KRT24: variants seen among roughly 807,000 people sequenced by gnomAD.
KRT24 encodes the protein keratin, type I cytoskeletal 24.
KRT24 carries 44 observed loss-of-function variants against 51.7 expected under a neutral mutation model. That is an observed-to-expected ratio of 0.85 (90% CI 0.67 to 1.09). KRT24 has a LOEUF of 1.09. Among genes scored for constraint, KRT24 ranks in the 50% least tolerant of loss-of-function variants. The probability of loss-of-function intolerance (pLI) is 0.00; values close to 1 mark genes in which losing one functional copy is unlikely to be tolerated. For synonymous variants in KRT24, 241 were observed against 249.5 expected (o/e 0.97, Z 0.32); for missense variants, 633 against 647.0 (o/e 0.98, Z 0.24).
Position 40,701,165 on chromosome 17 carries a change from G to T in KRT24, c.830C>A (p.Ala277Asp). The change falls in exon 3 of 8, where the codon GCC (alanine) becomes GAC (aspartate). Residue 277 changes from alanine to aspartate, a missense_variant. By Grantham distance (126) the Ala-to-Asp change is moderately radical (BLOSUM62 -2). Coordinates refer to ENST00000264651, the MANE Select transcript of KRT24 (RefSeq NM_019016.3). ...MQIESFTEEL[A>D]YLRKNHEEEM... ...CTCCTCGTGGTTCTTCCTCAGGTAGGCTAGCTCCTCGGTGAAACTCTCAAT... is the reference window on the plus strand; with the variant it reads ...CTCCTCGTGGTTCTTCCTCAGGTAGTCTAGCTCCTCGGTGAAACTCTCAAT... The T allele has an allele frequency of 6.2e-7, 1 of 1,614,008 alleles. No homozygotes were observed. Among genetic ancestry groups the T allele is most frequent in the Non-Finnish European group, 8.5e-7 (1 of 1,179,960 alleles).
Position 40,698,167 on chromosome 17 carries a change from C to G in KRT24, c.*70G>C, listed in dbSNP as rs1218118509. The G allele has an allele frequency of 2.1e-6, 2 of 969,796 alleles. No individual in the cohort carries two copies. Among genetic ancestry groups the G allele is most frequent in the Admixed American group, 3.5e-5 (2 of 56,682 alleles). 60.1% of individuals were successfully genotyped at this position (969,796 alleles called of 1,614,324 possible). ...ATCCAGAAAGATGCCTAGATTGATG[C>G]CATTTCTTCGCTTGTGTCCTTCTTG... On this transcript the variant is annotated 3_prime_UTR_variant, in exon 8 of 8. Coordinates refer to ENST00000264651, the MANE Select transcript of KRT24 (RefSeq NM_019016.3).
rs921419799 is a variant in KRT24, at chr17:40,703,385, A to G, written c.309T>C (p.Ser103=). ...TGAATCTAGAACTCCCACAGAATCC[A>G]GAACCCCTGCCAAATCCAGAGACCC... The part of the protein sequence containing the change: ...FGGVSGFGRG[S]GFCGSSRFSS... The change falls in exon 1 of 8, where the codon TCT becomes TCC. Residue 103 remains serine, a synonymous_variant. Coordinates refer to ENST00000264651, the MANE Select transcript of KRT24 (RefSeq NM_019016.3). 3 of 1,613,080 alleles carry G rather than the reference A, an allele frequency of 1.9e-6. No individual in the cohort carries two copies. In the African/African-American group the frequency reaches 4.0e-5, roughly 22 times the overall value.
chr17:40,699,786 G>A, intron 5 of KRT24, 125 bp from the exon 6 acceptor site: 1 of 1,001,168 alleles, frequency 1.0e-6, no homozygotes, highest in Non-Finnish European at 1.5e-6. Context: ...TTATATCATT[G>A]CTTCTTTAAT....
In KRT24 at chr17:40,703,349, A is replaced by T. The variant is rs767965482; in HGVS notation, c.345T>A (p.Ala115=). Residue 115 remains alanine (A), a synonymous_variant, in exon 1 of 8, where the codon GCT becomes GCA. Transcript: ENST00000264651. ...FCGSSRFSSG[A]TGGFYSYGGG... The stretch of plus-strand genomic sequence containing the variant: ...CACCATAGCTGTAGAAGCCTCCAGT[A>T]GCACCACTGCTGAATCTAGAACTCC... 1.1e-5 allele frequency: 17 copies of T among 1,613,878 alleles called. No homozygotes were observed. The East Asian group carries it at 3.3e-4, about 32-fold the overall frequency.
Position 40,703,149 on chromosome 17 carries a change from C to T in KRT24, c.545G>A (p.Gly182Glu). ...TCTTCCCGATCCACCGTCTCCAGACCCAGGCCCATATTTGTCATACCACTC... is the reference window on the plus strand; with the variant it reads ...TCTTCCCGATCCACCGTCTCCAGACTCAGGCCCATATTTGTCATACCACTC... ...IKEWYDKYGP[G>E]SGDGGSGRDY... Residue 182 changes from glycine (G) to glutamate (E), a missense_variant, in exon 1 of 8, where the codon GGG becomes GAG. Gly to Glu is a moderately conservative substitution (Grantham distance 98, BLOSUM62 -2). Transcript: ENST00000264651. The T allele has an allele frequency of 5.6e-6, 9 of 1,613,998 alleles. No homozygotes were observed. Among genetic ancestry groups the T allele is most frequent in the African/African-American group, 1.3e-5 (1 of 74,982 alleles).
At chr17:40,699,782 C>G (rs1298280138) in intron 5 of KRT24, 121 bp from the exon 6 acceptor site, 1 of 996,836 alleles carries the variant, frequency 1.0e-6, no homozygotes, top group African/African-American at 1.6e-5. Context: ...ATTGTTATAT[C>G]ATTGCTTCTT....
chr17:40,699,805 G>T, intron 5 of KRT24, 144 bp from the exon 6 acceptor site: 3 of 1,046,350 alleles, frequency 2.9e-6, no homozygotes, highest in South Asian at 1.6e-5. Context: ...ATTTTGGTTG[G>T]CACTTCTTTT....
Position 40,703,607 on chromosome 17 carries a change from A to G in KRT24, c.87T>C (p.Ser29=). 2 of 1,611,730 alleles carry G rather than the reference A, an allele frequency of 1.2e-6. No individual in the cohort carries two copies. Among genetic ancestry groups the G allele is most frequent in the African/African-American group, 1.3e-5 (1 of 74,434 alleles). Reference sequence around the variant, plus strand: ...TGCCCCCCAGACCACATCTGCTTCCACTGCTGAAGCTGCTTCCACCAGCAG... The same window carrying G: ...TGCCCCCCAGACCACATCTGCTTCCGCTGCTGAAGCTGCTTCCACCAGCAG... ...RVSAGGSSFS[S]GSRCGLGGSS... is the part of the protein sequence containing the mutation. The change falls in exon 1 of 8, where the codon AGT becomes AGC. Residue 29 remains serine, a synonymous_variant. Transcript: ENST00000264651.
intron 1 of KRT24, among the ~76,000 whole-genome samples, chr17:40,702,560 G>C (rs573523566): frequency 1.3e-5 from 2 of 152,124 alleles, no homozygotes; most frequent in African/African-American, 4.8e-5. Flanking sequence ...ATTATCTCAT[G>C]AGCTTTTTCA....
In KRT24 at chr17:40,701,884, T is replaced by C. The variant is rs752323841; in HGVS notation, c.665A>G (p.Asn222Ser). Residue 222 changes from asparagine to serine, a missense_variant, in exon 2 of 8, where the codon AAT (asparagine) becomes AGT (serine). Asn to Ser is a conservative substitution (Grantham distance 46). Coordinates refer to ENST00000264651, the MANE Select transcript of KRT24 (RefSeq NM_019016.3). ...ENAGIILHID[N>S]ARLAADDFRL... ...GAAGTCATCAGCAGCCAATCTGGCA[T>C]TGTCAATGTGCAAAATGATCCCAGC... The C allele has an allele frequency of 1.4e-6, 2 of 1,442,572 alleles. No homozygotes were observed. Among genetic ancestry groups the C allele is most frequent in the Non-Finnish European group, 1.8e-6 (2 of 1,089,336 alleles). The allele number at this position is 1,442,572 out of a possible 1,614,324, so 89.4% of individuals were successfully genotyped here. A position where few individuals can be genotyped will look rare whatever the true frequency, so the allele number is the denominator to read the frequency against.
At chr17:40,699,693 T>A (rs781138601) in intron 5 of KRT24, 32 bp from the exon 6 acceptor site, 2 of 1,573,736 alleles carry the variant, frequency 1.3e-6, no homozygotes, top group South Asian at 2.2e-5. Context: ...AAATTCATGA[T>A]GAAAATAAAT....
Position 40,701,148 on chromosome 17 carries a change from G to A in KRT24, c.847C>T (p.His283Tyr), listed in dbSNP as rs1457050593. ...TEELAYLRKN[H>Y]EEEMKNMQGS... ...GTAGAACATGTTCCTACCTCCTCGT[G>A]GTTCTTCCTCAGGTAGGCTAGCTCC... The change falls in exon 3 of 8, where the codon CAC (histidine) becomes TAC (tyrosine). Residue 283 changes from histidine (H) to tyrosine (Y), a missense_variant. His to Tyr is a moderately conservative substitution (Grantham distance 83). Coordinates refer to ENST00000264651, the MANE Select transcript of KRT24 (RefSeq NM_019016.3). 1 of 1,613,696 alleles carries A rather than the reference G, an allele frequency of 6.2e-7. No individual in the cohort carries two copies. Among genetic ancestry groups the A allele is most frequent in the Non-Finnish European group, 8.5e-7 (1 of 1,179,854 alleles).
At position 40,699,989 on chromosome 17, in the gene KRT24, T is replaced by C; in HGVS notation, c.1143+9A>G. The C allele has an allele frequency of 6.2e-7, 1 of 1,614,060 alleles. No individual in the cohort carries two copies. The highest frequency in any genetic ancestry group is 8.5e-7 in the Non-Finnish European group (1 of 1,180,046). On this transcript the variant is annotated intron_variant, in intron 5 of 7. Transcript: ENST00000264651. ...CTGTTGGAAAATGTGAAAAGCTATT[T>C]GCACATACCATGGCCAGTTGGGACT...
At position 40,703,138 on chromosome 17, in the gene KRT24, C is replaced by T. The variant is rs201821647; in HGVS notation, c.556G>A (p.Gly186Ser). 126 of 1,613,746 alleles carry T rather than the reference C, an allele frequency of 7.8e-5. No homozygotes were observed. Among genetic ancestry groups the T allele is most frequent in the Non-Finnish European group, 9.8e-5 (116 of 1,179,918 alleles). ...TTGCTATAATCTCTTCCCGATCCAC[C>T]GTCTCCAGACCCAGGCCCATATTTG... ...YDKYGPGSGD[G>S]GSGRDYSKYY... The change falls in exon 1 of 8, where the codon GGT becomes AGT. Residue 186 changes from glycine (G) to serine (S), a missense_variant. Gly to Ser is a moderately conservative substitution (Grantham distance 56). Transcript: ENST00000264651.
In KRT24 at chr17:40,701,924, C is replaced by T; in HGVS notation, c.625G>A (p.Ala209Thr). 1.3e-6 allele frequency: 2 copies of T among 1,536,886 alleles called. No individual in the cohort carries two copies. The highest frequency in any genetic ancestry group is 1.4e-5 in the African/African-American group (1 of 73,012). The change falls in exon 2 of 8, where the codon GCC becomes ACC. Residue 209 changes from alanine to threonine, a missense_variant. Ala to Thr is a moderately conservative substitution (Grantham distance 58). Transcript: ENST00000264651. ...ATGATCCCAGCATTTTCAACAGTGG[C>T]AGCAATGATCTAAAAAAGATGTTAA... ...IEDLRNQIIAATVENAGIILH... is the reference protein window; with the variant it reads ...IEDLRNQIIATTVENAGIILH...
Position 40,703,734 on chromosome 17 carries a change from A to C in KRT24, c.-41T>G. The C allele has an allele frequency of 6.6e-7, 1 of 1,517,502 alleles. No homozygotes were observed. The highest frequency in any genetic ancestry group is 8.8e-7 in the Non-Finnish European group (1 of 1,133,990). The allele number at this position is 1,517,502 out of a possible 1,614,324, so 94.0% of individuals were successfully genotyped here. A position where few individuals can be genotyped will look rare whatever the true frequency, so the allele number is the denominator to read the frequency against. ...ATGAGCTTGTCCAGGCGAATAGGAG[A>C]GGTGATGACGAAGAGTGTATTCAAG... On this transcript the variant is annotated 5_prime_UTR_variant, in exon 1 of 8. Transcript: ENST00000264651.
chr17:40,703,695 G>A lies in KRT24; in HGVS notation c.-2C>T. ...GGAGGCGCGAGACGAGCAAGACATG[G>A]TGCTCCTGCAAACATGAGCTTGTCC... is the stretch of plus-strand genomic sequence containing the variant. On this transcript the variant is annotated 5_prime_UTR_variant, in exon 1 of 8. Transcript: ENST00000264651. 1.3e-6 allele frequency: 2 copies of A among 1,552,240 alleles called. No individual in the cohort carries two copies. Among genetic ancestry groups the A allele is most frequent in the South Asian group, 1.2e-5 (1 of 80,440 alleles).
rs1438747661 is a variant in KRT24, at chr17:40,700,010, G to A, written c.1131C>T (p.Ser377=). 1 of 1,614,024 alleles carries A rather than the reference G, an allele frequency of 6.2e-7. No homozygotes were observed. The highest frequency in any genetic ancestry group is 8.5e-7 in the Non-Finnish European group (1 of 1,180,040). ...TLQALEIELQ[S]QLAMKSSLEG... ...TATTTGCACATACCATGGCCAGTTG[G>A]GACTGAAGCTCAATTTCCAGGGCTT... Residue 377 remains serine, a synonymous_variant, in exon 5 of 8, where the codon TCC becomes TCT. Coordinates refer to ENST00000264651, the MANE Select transcript of KRT24 (RefSeq NM_019016.3).
In KRT24 at chr17:40,703,399, A is replaced by G. The variant is rs770765163; in HGVS notation, c.295T>C (p.Phe99Leu). The G allele has an allele frequency of 1.9e-5, 30 of 1,611,316 alleles. No homozygotes were observed. Among genetic ancestry groups the G allele is most frequent in the Non-Finnish European group, 2.3e-5 (27 of 1,177,708 alleles). Residue 99 changes from phenylalanine (F) to leucine (L), a missense_variant, in exon 1 of 8, where the codon TTT (phenylalanine) becomes CTT (leucine). Phe to Leu is a conservative substitution (Grantham distance 22). Transcript: ENST00000264651. Reference sequence around the variant, plus strand: ...CCACAGAATCCAGAACCCCTGCCAAATCCAGAGACCCCGCCAAAGCTAGAA... The same window carrying G: ...CCACAGAATCCAGAACCCCTGCCAAGTCCAGAGACCCCGCCAAAGCTAGAA... ...GGSSFGGVSG[F>L]GRGSGFCGSS...
Sources: allele counts gnomAD v4.1 joint callset (sites outside exome capture counted in the v4.1 genomes callset), GRCh38; gene constraint gnomAD v4.1.1; transcripts MANE v1.5; gene names NCBI Gene and HGNC (gene_info 2026-07-23, HGNC 2026-07-21).